Variants in KCNH1 observed in about 807,000 individuals in gnomAD.
The protein encoded by KCNH1 is potassium voltage-gated channel subfamily H member 1.
Under a neutral mutation model 69.2 loss-of-function variants are expected in KCNH1, and 27 were observed. The ratio of observed to expected loss-of-function variants is 0.39; its 90% confidence interval spans 0.29 to 0.54. KCNH1 has a LOEUF of 0.54. Ranked by LOEUF, KCNH1 falls within the 20% of genes least tolerant of loss-of-function variation. The pLI is 0.68. For synonymous variants in KCNH1, 456 were observed against 487.7 expected (o/e 0.93, Z 0.86); for missense variants, 798 against 1,261.6 (o/e 0.63, Z 5.57).
chr1:211,054,573 C>T lies in KCNH1; in HGVS notation c.558+28207G>A, dbSNP rs187956967. On this transcript the variant is annotated intron_variant, in intron 5 of 10. Coordinates refer to ENST00000271751, the MANE Select transcript of KCNH1 (RefSeq NM_172362.3). ...TATTAGCTATGGAATAGAAAAATAA[C>T]GGCCAATAAGGAAGTTAAAAATAAG... is the stretch of plus-strand genomic sequence containing the variant. 1.4e-3 allele frequency among the ~76,000 whole-genome samples: 214 copies of T among 151,820 alleles called. 1 individual carries two copies. The highest frequency in any genetic ancestry group is 4.3e-3 in the African/African-American group (180 of 41,426).
chr1:211,027,605 A>G (rs887592394), intron 5 of KCNH1, among the ~76,000 whole-genome samples: 11 of 151,414 alleles, frequency 7.3e-5, no homozygotes, highest in African/African-American at 2.4e-4. Context: ...CAGGGAAAGA[A>G]AAAAAAAAGC....
intron 5 of KCNH1, among the ~76,000 whole-genome samples, chr1:211,035,017 C>T (rs970708005): frequency 1.3e-5 from 2 of 152,102 alleles, no homozygotes; most frequent in African/African-American, 2.4e-5. Flanking sequence ...TAGGCCCTGC[C>T]TGAGTGAGGC....
intron 6 of KCNH1, among the ~76,000 whole-genome samples, chr1:210,930,618 G>A (rs1007317235): frequency 2.0e-5 from 3 of 152,146 alleles, no homozygotes; most frequent in Admixed American, 1.3e-4. Context: ...TCTAGACATT[G>A]ACTTAGGCAA....
intron 10 of KCNH1, among the ~76,000 whole-genome samples, chr1:210,731,601 A>G (rs963095143): frequency 6.6e-6 from 1 of 152,216 alleles, no homozygotes; most frequent in African/African-American, 2.4e-5. Flanking sequence ...TTTATGAAAA[A>G]GATGAGATCT....
At chr1:210,892,677 A>G (rs1405540052) in intron 7 of KCNH1, among the ~76,000 whole-genome samples, 1 of 152,226 alleles carries the variant, frequency 6.6e-6, no homozygotes, top group African/African-American at 2.4e-5. Flanking sequence ...ATGGACCCCA[A>G]AAAACTAAAG....
intron 7 of KCNH1, among the ~76,000 whole-genome samples, chr1:210,897,529 C>G (rs1686897267): frequency 6.6e-6 from 1 of 152,216 alleles, no homozygotes; most frequent in Non-Finnish European, 1.5e-5. Context: ...CCCCTGCCCT[C>G]TGTTCCACAG....
chr1:211,061,979 T>C (rs536432333), intron 5 of KCNH1, among the ~76,000 whole-genome samples: 1 of 152,216 alleles, frequency 6.6e-6, no homozygotes, highest in South Asian at 2.1e-4. Flanking sequence ...AAAATTTATA[T>C]GGAGCAACAG....
intron 7 of KCNH1, chr1:210,859,173 C>G: frequency 6.5e-7 from 1 of 1,548,340 alleles, no homozygotes; most frequent in Non-Finnish European, 8.9e-7. Flanking sequence ...AAAGAGATAA[C>G]TCAATTCATC....
intron 5 of KCNH1, among the ~76,000 whole-genome samples, chr1:211,028,230 C>T (rs1571589784): frequency 6.6e-6 from 1 of 151,982 alleles, no homozygotes; most frequent in South Asian, 2.1e-4. Flanking sequence ...TCTAAATAAT[C>T]CATGGGCCAA....
At chr1:211,031,300 A>T (rs897289918) in intron 5 of KCNH1, among the ~76,000 whole-genome samples, 1 of 152,218 alleles carries the variant, frequency 6.6e-6, no homozygotes, top group African/African-American at 2.4e-5. Context: ...TCACAGCCAA[A>T]TTCTACCAGA....
At chr1:211,005,238 G>A (rs891864194) in intron 6 of KCNH1, among the ~76,000 whole-genome samples, 3 of 152,070 alleles carry the variant, frequency 2.0e-5, no homozygotes, top group Admixed American at 6.5e-5. Flanking sequence ...AGAAGTAACA[G>A]AAAATTTGAA....
chr1:210,949,822 C>G (rs934661675), intron 6 of KCNH1, among the ~76,000 whole-genome samples: 3 of 152,178 alleles, frequency 2.0e-5, no homozygotes, highest in Admixed American at 1.3e-4. Flanking sequence ...AAACACGGAG[C>G]CGCTCACTCC....
chr1:210,776,928 C>T (rs1558465127), intron 9 of KCNH1, among the ~76,000 whole-genome samples: 1 of 152,128 alleles, frequency 6.6e-6, no homozygotes, highest in African/African-American at 2.4e-5. Flanking sequence ...TTATAAATAG[C>T]TTAAAATGTT....
At chr1:210,974,142 C>T (rs896372666) in intron 6 of KCNH1, among the ~76,000 whole-genome samples, 10 of 152,136 alleles carry the variant, frequency 6.6e-5, no homozygotes, top group Middle Eastern at 3.4e-3. Context: ...TTCACTGTCA[C>T]GATGTTAGCT....
At chr1:210,723,920 T>C (rs1349916684) in intron 10 of KCNH1, among the ~76,000 whole-genome samples, 1 of 152,198 alleles carries the variant, frequency 6.6e-6, no homozygotes, top group Non-Finnish European at 1.5e-5. Context: ...CTCCTTATCA[T>C]GGGTCTGACA....
At chr1:210,783,322 G>C (rs2102381915) in intron 9 of KCNH1, among the ~76,000 whole-genome samples, 1 of 152,296 alleles carries the variant, frequency 6.6e-6, no homozygotes, top group Non-Finnish European at 1.5e-5. Flanking sequence ...TGGGCATAAT[G>C]CTAGGTGATG....
chr1:210,972,535 G>A (rs1222178040), intron 6 of KCNH1, among the ~76,000 whole-genome samples: 1 of 152,094 alleles, frequency 6.6e-6, no homozygotes, highest in African/African-American at 2.4e-5. Context: ...TTAACAAAGA[G>A]GCAATCAAAA....
chr1:210,864,780 C>T (rs757760196), intron 7 of KCNH1, among the ~76,000 whole-genome samples: 6 of 152,226 alleles, frequency 3.9e-5, no homozygotes, highest in Non-Finnish European at 8.8e-5. Context: ...GCTTGTCTCT[C>T]TTTCTTATAC....
At chr1:210,931,794 T>C (rs1173288758) in intron 6 of KCNH1, among the ~76,000 whole-genome samples, 7 of 147,532 alleles carry the variant, frequency 4.7e-5, no homozygotes, top group Non-Finnish European at 1.1e-4. Context: ...ATAGATATCA[T>C]AAAAGAGAAA....
Sources: allele counts gnomAD v4.1 joint callset (sites outside exome capture counted in the v4.1 genomes callset), GRCh38; gene constraint gnomAD v4.1.1; transcripts MANE v1.5; gene names NCBI Gene and HGNC (gene_info 2026-07-23, HGNC 2026-07-21).